The following FOXJ3 variants were observed in gnomAD, a reference collection of about 807,000 sequenced individuals.
FOXJ3 encodes forkhead box protein J3.
FOXJ3 carries 22 observed loss-of-function variants against 76.1 expected under a neutral mutation model. That is an observed-to-expected ratio of 0.29 (90% confidence interval 0.21 to 0.41). The LOEUF is 0.41. Among genes scored for constraint, FOXJ3 ranks in the 10% least tolerant of loss-of-function variants. The pLI is 1.00. For missense variants in FOXJ3, 613 were observed against 762.1 expected (o/e 0.80, Z 2.30); for synonymous variants, 269 against 261.2 (o/e 1.03, Z -0.29).
At chr1:42,313,585 T>C (rs1260896138) in intron 1 of FOXJ3, among the ~76,000 whole-genome samples, 1 of 152,080 alleles carries the variant, frequency 6.6e-6, no homozygotes, top group African/African-American at 2.4e-5. Context: ...GTTAGCACAA[T>C]AAACCACAAG....
intron 5 of FOXJ3, among the ~76,000 whole-genome samples, chr1:42,210,579 G>C (rs558831347): frequency 6.6e-6 from 1 of 152,206 alleles, no homozygotes; most frequent in Admixed American, 6.5e-5. Context: ...GTATCACCCT[G>C]GCTAACCAGA....
rs749800149 is a variant in FOXJ3 at position 42,227,993 on chromosome 1, G to T, written c.445-27C>A. 6 of 1,157,348 alleles carry T rather than the reference G, an allele frequency of 5.2e-6. No individual in the cohort carries two copies. The East Asian group carries it at 7.4e-5, about 14-fold the overall frequency. The allele number at this position is 1,157,348 out of a possible 1,614,324, so 71.7% of individuals were successfully genotyped here. A position where few individuals can be genotyped will look rare whatever the true frequency, so the allele number is the denominator to read the frequency against. On this transcript the variant is annotated intron_variant, in intron 4 of 12. Transcript: ENST00000361346. ...TAGAGGTAAAGAAATTATATTAACA[G>T]TATATTACAGCAAACCTATGATATT...
intron 11 of FOXJ3, among the ~76,000 whole-genome samples, 180 bp downstream of exon 11, chr1:42,188,557 C>T (rs1466174030): frequency 6.6e-6 from 1 of 152,082 alleles, no homozygotes; most frequent in Non-Finnish European, 1.5e-5. Flanking sequence ...GTCTCATTAC[C>T]TCAATTTTTC....
At chr1:42,313,724 TG>T (rs1654943788) in intron 1 of FOXJ3, among the ~76,000 whole-genome samples, 1 of 152,170 alleles carries the variant, frequency 6.6e-6, no homozygotes, top group Non-Finnish European at 1.5e-5. Flanking sequence ...CACACTTTCG[TG>T]GGGAACCTGG....
At chr1:42,331,193 C>A (rs1656141182) in intron 1 of FOXJ3, among the ~76,000 whole-genome samples, 1 of 152,034 alleles carries the variant, frequency 6.6e-6, no homozygotes, top group Non-Finnish European at 1.5e-5. Context: ...ACCAGCCTGG[C>A]CAACATGGTG....
Position 42,177,156 on chromosome 1 carries a change from G to C in FOXJ3, c.*2554C>G, listed in dbSNP as rs1204646996. On this transcript the variant is annotated 3_prime_UTR_variant, in exon 13 of 13. Coordinates refer to ENST00000361346, the MANE Select transcript of FOXJ3 (RefSeq NM_014947.5). ...TCACCAGGTAACCCTGTCTGGCCAG[G>C]GCCCACAGAAAAGGCCTGTCCTGGG... 6.6e-6 allele frequency: 1 copy of C among 151,630 alleles called. No individual in the cohort carries two copies. The highest frequency in any genetic ancestry group is 6.5e-5 in the Admixed American group (1 of 15,268). 9.4% of individuals were successfully genotyped at this position (151,630 alleles called of 1,614,324 possible).
chr1:42,241,122 C>A (rs1369478951), intron 4 of FOXJ3, among the ~76,000 whole-genome samples: 1 of 152,116 alleles, frequency 6.6e-6, no homozygotes, highest in Non-Finnish European at 1.5e-5. Flanking sequence ...GAGTGATTCC[C>A]AGAGGTCCAC....
Position 42,277,746 on chromosome 1 carries a change from G to A in FOXJ3, c.369+602C>T, listed in dbSNP as rs757292162. ...CGGGAGGCGGAGCTTGCAGTGAGCC[G>A]AGATCCCGCCACTGCACTCCAGCCT... is the stretch of plus-strand genomic sequence containing the variant. On this transcript the variant is annotated intron_variant, in intron 3 of 12. Transcript: ENST00000361346. Among the ~76,000 whole-genome samples, 20 of 46,916 alleles carry A rather than the reference G, an allele frequency of 4.3e-4. 8 individuals are homozygous for A. The Middle Eastern group carries it at 0.044, about 104-fold the overall frequency. 30.8% of individuals were successfully genotyped at this position (46,916 alleles called of 152,430 possible).
chr1:42,287,878 T>C (rs1653162385), intron 2 of FOXJ3, among the ~76,000 whole-genome samples: 2 of 151,854 alleles, frequency 1.3e-5, no homozygotes, highest in South Asian at 4.1e-4. Flanking sequence ...AGTGGGAGGA[T>C]CACCTGAGCC....
chr1:42,275,039 T>C (rs375843515), intron 3 of FOXJ3, among the ~76,000 whole-genome samples: 4 of 152,244 alleles, frequency 2.6e-5, no homozygotes, highest in East Asian at 3.9e-4. Context: ...AAAAGGTAGA[T>C]TGGGACCAAG....
At chr1:42,187,090 A>G (rs1281650633) in intron 11 of FOXJ3, among the ~76,000 whole-genome samples, 2 of 151,438 alleles carry the variant, frequency 1.3e-5, no homozygotes, top group East Asian at 3.9e-4. Flanking sequence ...TCAGGTGATC[A>G]GCCCGCCTCG....
intron 6 of FOXJ3, among the ~76,000 whole-genome samples, chr1:42,199,622 A>AT (rs1174751319): frequency 2.4e-5 from 3 of 127,350 alleles, no homozygotes; most frequent in African/African-American, 3.9e-5. Flanking sequence ...AACGAAGCAC[A>AT]TAAAAAAAAA....
intron 4 of FOXJ3, among the ~76,000 whole-genome samples, chr1:42,232,586 TA>T (rs1295955538): frequency 1.3e-5 from 2 of 151,264 alleles, no homozygotes; most frequent in Non-Finnish European, 3.0e-5. Flanking sequence ...TTTGGCTGCA[TA>T]AATGTCTTCT....
intron 1 of FOXJ3, among the ~76,000 whole-genome samples, chr1:42,312,475 T>C (rs1233700303): frequency 6.6e-6 from 1 of 152,212 alleles, no homozygotes; most frequent in African/African-American, 2.4e-5. Context: ...TATCCCTGCA[T>C]ACACTGAAGA....
chr1:42,294,567 T>C (rs770757147), intron 2 of FOXJ3, among the ~76,000 whole-genome samples: 2 of 152,110 alleles, frequency 1.3e-5, no homozygotes, highest in African/African-American at 2.4e-5. Context: ...GAGACCAGCC[T>C]GGCCAACATG....
chr1:42,232,264 G>A (rs1183775363), intron 4 of FOXJ3, among the ~76,000 whole-genome samples: 2,660 of 107,826 alleles, frequency 0.025, no homozygotes, highest in African/African-American at 0.035. Context: ...ACATACGTGT[G>A]CATGTGTCTT....
chr1:42,328,230 G>A (rs1340604896), intron 1 of FOXJ3, among the ~76,000 whole-genome samples: 2 of 152,198 alleles, frequency 1.3e-5, no homozygotes, highest in Non-Finnish European at 2.9e-5. Flanking sequence ...CTGCAGTTGG[G>A]AGGTTGCAAT....
intron 1 of FOXJ3, among the ~76,000 whole-genome samples, chr1:42,327,388 G>T (rs1655901645): frequency 6.6e-6 from 1 of 152,164 alleles, no homozygotes; most frequent in Non-Finnish European, 1.5e-5. Context: ...CCTGATTGCT[G>T]CATGTTTGAC....
At chr1:42,285,862 C>G (rs893025118) in intron 2 of FOXJ3, among the ~76,000 whole-genome samples, 1 of 152,156 alleles carries the variant, frequency 6.6e-6, no homozygotes, top group Non-Finnish European at 1.5e-5. Context: ...TTTCCTATTC[C>G]TTCTCCACCA....
Sources: gnomAD v4.1 joint callset for allele counts (sites outside exome capture counted in the v4.1 genomes callset) on GRCh38, gnomAD v4.1.1 for gene constraint, MANE v1.5 for transcripts, NCBI Gene and HGNC (gene_info 2026-07-23, HGNC 2026-07-21) for gene names.